Variants in CYTH1 observed in about 807,000 individuals in gnomAD.
CYTH1 encodes cytohesin-1.
A neutral mutation model predicts 61.8 loss-of-function variants in CYTH1; 18 were observed. The ratio of observed to expected loss-of-function variants is 0.29; its 90% CI spans 0.20 to 0.43. The LOEUF (loss-of-function observed/expected upper bound fraction) is 0.43, where lower values mean the gene tolerates loss of function less well. Ranked by LOEUF, CYTH1 falls within the 20% of genes least tolerant of loss-of-function variation. The pLI, the probability that CYTH1 is intolerant of heterozygous loss-of-function variation, is 1.00. For synonymous variants in CYTH1, 174 were observed against 184.3 expected (o/e 0.94, Z 0.45); for missense variants, 336 against 510.5 (o/e 0.66, Z 3.29).
At chr17:78,725,035 C>T (rs768476135) in intron 1 of CYTH1, among the ~76,000 whole-genome samples, 17 of 152,212 alleles carry the variant, frequency 1.1e-4, no homozygotes, top group Non-Finnish European at 2.4e-4. Context: ...CAGTGCAACA[C>T]GTCCCTGGGC....
At position 78,779,659 on chromosome 17, in the gene CYTH1, G is replaced by A. The variant is rs111324538; in HGVS notation, c.22+2543C>T. ...TAATAAGAGGGAGGTAGGAGGTCGA[G>A]AGAAATGAGAAGATGCTACCTGCTG... On this transcript the variant is annotated intron_variant, in intron 1 of 13. Coordinates refer to ENST00000446868, the MANE Select transcript of CYTH1 (RefSeq NM_004762.6). 3.6e-3 allele frequency among the ~76,000 whole-genome samples: 552 copies of A among 152,272 alleles called. 2 individuals are homozygous for A. Among genetic ancestry groups the A allele is most frequent in the African/African-American group, 0.013 (530 of 41,552 alleles).
chr17:78,697,413 G>C (rs2092951322), intron 9 of CYTH1, among the ~76,000 whole-genome samples: 1 of 151,858 alleles, frequency 6.6e-6, no homozygotes, highest in African/African-American at 2.4e-5. Context: ...AACACATGTG[G>C]ACATGAATGT....
chr17:78,762,239 G>A (rs549476569), intron 1 of CYTH1, among the ~76,000 whole-genome samples: 5 of 152,228 alleles, frequency 3.3e-5, no homozygotes, highest in Admixed American at 1.3e-4. Context: ...TCTCTGTTCC[G>A]GTAATTTGAT....
In CYTH1 at chr17:78,675,716, A is replaced by T; in HGVS notation, c.*375T>A. ...TTAACATATAATAATATATGGACAC[A>T]TGTATTTATGGTGCAGGGTTTGAAG... On this transcript the variant is annotated 3_prime_UTR_variant, in exon 14 of 14. Transcript: ENST00000446868. 3.9e-6 allele frequency: 2 copies of T among 508,574 alleles called. No individual in the cohort carries two copies. The highest frequency in any genetic ancestry group is 6.8e-6 in the Non-Finnish European group (2 of 293,756). 31.5% of individuals were successfully genotyped at this position (508,574 alleles called of 1,614,324 possible). A position where few individuals can be genotyped will look rare whatever the true frequency, so the allele number is the denominator to read the frequency against.
At chr17:78,733,342 G>C (rs1019235085) in intron 1 of CYTH1, among the ~76,000 whole-genome samples, 1 of 152,046 alleles carries the variant, frequency 6.6e-6, no homozygotes, top group African/African-American at 2.4e-5. Context: ...ACTATACACT[G>C]TTCTCATCAG....
chr17:78,675,026 T>C lies in CYTH1; in HGVS notation c.*1065A>G, dbSNP rs1209170729. On this transcript the variant is annotated 3_prime_UTR_variant, in exon 14 of 14. Coordinates refer to ENST00000446868, the MANE Select transcript of CYTH1 (RefSeq NM_004762.6). ...CCAGAGTAGTCCAGTTAGGGCTGGT[T>C]TTGAGGCAGAAAAAGCTGAAGCCCT... 2 of 152,262 alleles carry C rather than the reference T, an allele frequency of 1.3e-5. No individual in the cohort carries two copies. Among genetic ancestry groups the C allele is most frequent in the Non-Finnish European group, 2.9e-5 (2 of 68,100 alleles). The allele number at this position is 152,262 out of a possible 1,614,324, so 9.4% of individuals were successfully genotyped here. A position where few individuals can be genotyped will look rare whatever the true frequency, so the allele number is the denominator to read the frequency against.
chr17:78,711,357 A>G (rs1193469622), intron 1 of CYTH1, among the ~76,000 whole-genome samples: 2 of 151,624 alleles, frequency 1.3e-5, no homozygotes, highest in South Asian at 2.1e-4. Context: ...CTATAAAAAC[A>G]AAGGAAAATG....
In CYTH1 at chr17:78,756,076, TTTA is replaced by T. The variant is rs1267656566; in HGVS notation, c.22+26123_22+26125del. ...TACACTATTTATTTATTTATTTATT[TTTA>T]TTTTTTTTTTTTTTGAGACAGAGTC... On this transcript the variant is annotated intron_variant, in intron 1 of 13. Transcript: ENST00000446868. Among the ~76,000 whole-genome samples, 206 of 111,646 alleles carry T rather than the reference TTTA, an allele frequency of 1.8e-3. 1 individual carries two copies. The highest frequency in any genetic ancestry group is 8.5e-3 in the Middle Eastern group (2 of 236). The allele number at this position is 111,646 out of a possible 152,430, so 73.2% of individuals were successfully genotyped here. A position where few individuals can be genotyped will look rare whatever the true frequency, so the allele number is the denominator to read the frequency against.
intron 1 of CYTH1, among the ~76,000 whole-genome samples, chr17:78,711,787 A>G (rs1054434198): frequency 6.6e-6 from 1 of 152,096 alleles, no homozygotes; most frequent in African/African-American, 2.4e-5. Flanking sequence ...CCAAAATAAG[A>G]AAAGCATTTT....
At chr17:78,734,095 C>T (rs535364493) in intron 1 of CYTH1, among the ~76,000 whole-genome samples, 1 of 152,092 alleles carries the variant, frequency 6.6e-6, no homozygotes, top group African/African-American at 2.4e-5. Flanking sequence ...GCAAAAAATA[C>T]AAAAATTAGC....
At chr17:78,745,924 A>T (rs1029092597) in intron 1 of CYTH1, among the ~76,000 whole-genome samples, 1 of 152,206 alleles carries the variant, frequency 6.6e-6, no homozygotes, top group East Asian at 1.9e-4. Flanking sequence ...TTACCTTTTG[A>T]ACATATATAG....
intron 1 of CYTH1, among the ~76,000 whole-genome samples, chr17:78,770,522 G>A (rs987500276): frequency 6.6e-6 from 1 of 151,728 alleles, no homozygotes; most frequent in African/African-American, 2.4e-5. Flanking sequence ...GGGTTCAAGC[G>A]ATTCTCCTTG....
chr17:78,749,580 T>C (rs930858530), intron 1 of CYTH1, among the ~76,000 whole-genome samples: 1 of 151,974 alleles, frequency 6.6e-6, no homozygotes, highest in Non-Finnish European at 1.5e-5. Context: ...CAGTAAGCTA[T>C]GATCATGCCA....
At chr17:78,705,806 T>C (rs757291318) in intron 3 of CYTH1, among the ~76,000 whole-genome samples, 10 of 152,158 alleles carry the variant, frequency 6.6e-5, no homozygotes, top group Non-Finnish European at 1.3e-4. Context: ...TCAGATGCAG[T>C]TCATGAGTTA....
chr17:78,677,163 G>A (rs2092709258), intron 13 of CYTH1: 1 of 439,588 alleles, frequency 2.3e-6, no homozygotes, highest in Admixed American at 2.5e-5. Context: ...CTGGGAAGCG[G>A]TCTGACCACC....
At chr17:78,689,930 C>T (rs1016944868) in intron 11 of CYTH1, among the ~76,000 whole-genome samples, 1 of 151,994 alleles carries the variant, frequency 6.6e-6, no homozygotes, top group Non-Finnish European at 1.5e-5. Context: ...AAACCCTGCA[C>T]ACTGCTCCTG....
At chr17:78,764,019 G>C (rs2093438747) in intron 1 of CYTH1, among the ~76,000 whole-genome samples, 2 of 152,024 alleles carry the variant, frequency 1.3e-5, no homozygotes, top group Admixed American at 1.3e-4. Context: ...GCTCAGGCAG[G>C]AGAATCGCTT....
At chr17:78,676,748 C>T in intron 13 of CYTH1, 1 of 342,032 alleles carries the variant, frequency 2.9e-6, no homozygotes, top group Non-Finnish European at 5.8e-6. Context: ...CTCCGGTGCA[C>T]AGGGAGGGGG....
At chr17:78,760,460 CATATATATATGTAT>C (rs1567879392) in intron 1 of CYTH1, among the ~76,000 whole-genome samples, 9 of 31,528 alleles carry the variant, frequency 2.9e-4, no homozygotes, top group East Asian at 2.0e-3. Flanking sequence ...TATATACATA[CATATATATATGTAT>C]ATATATGTAT....
Sources: gnomAD v4.1 joint callset for allele counts (sites outside exome capture counted in the v4.1 genomes callset) on GRCh38, gnomAD v4.1.1 for gene constraint, MANE v1.5 for transcripts, NCBI Gene and HGNC (gene_info 2026-07-23, HGNC 2026-07-21) for gene names.